The following RIDA variants were observed in gnomAD, a reference collection of about 807,000 sequenced individuals.
The protein encoded by RIDA is reactive intermediate imine deaminase A.
A neutral mutation model predicts 17.8 loss-of-function variants in RIDA; 17 were observed. That is an observed-to-expected ratio of 0.96 (90% CI 0.65 to 1.43). RIDA has a LOEUF of 1.43. Among genes scored for constraint, RIDA ranks in the 40% most tolerant of loss-of-function variants. The pLI is 0.00. For synonymous variants in RIDA, 48 were observed against 55.7 expected, an observed-to-expected ratio of 0.86 and a Z score of 0.62; for missense variants, 158 against 161.7, an observed-to-expected ratio of 0.98 and a Z score of 0.12.
At chr8:98,103,299 T>C (rs993240205) in intron 5 of RIDA, among the ~76,000 whole-genome samples, 4 of 152,220 alleles carry the variant, frequency 2.6e-5, no homozygotes, top group Admixed American at 1.3e-4. Context: ...GGTTTGATAA[T>C]GATCATTCCA....
chr8:98,109,674 A>C (rs1357234375), intron 1 of RIDA, among the ~76,000 whole-genome samples: 2 of 151,994 alleles, frequency 1.3e-5, no homozygotes. Flanking sequence ...TGGCTCACTG[A>C]AGCCTTGACC....
chr8:98,114,157 A>C (rs1313193176), intron 1 of RIDA, among the ~76,000 whole-genome samples: 2 of 132,844 alleles, frequency 1.5e-5, no homozygotes, highest in Non-Finnish European at 3.2e-5. Context: ...TCCCGGCTCC[A>C]GCCTGGGTGA....
chr8:98,106,497 T>G, intron 2 of RIDA, 171 bp from the exon 3 acceptor site: 1 of 572,404 alleles, frequency 1.7e-6, no homozygotes, highest in Non-Finnish European at 3.1e-6. Context: ...AGAATGAGTC[T>G]TTCTGATATA....
chr8:98,114,134 C>A (rs1278501248), intron 1 of RIDA, among the ~76,000 whole-genome samples: 1 of 151,534 alleles, frequency 6.6e-6, no homozygotes, highest in African/African-American at 2.4e-5. Flanking sequence ...GTTGAGGCGA[C>A]AATAAGCTGT....
chr8:98,104,619 T>C, intron 4 of RIDA, 75 bp from the exon 5 acceptor site: 1 of 851,312 alleles, frequency 1.2e-6, no homozygotes, highest in Admixed American at 2.1e-5. Flanking sequence ...ATTTTTATTT[T>C]AGTTTTCAGA....
chr8:98,104,289 G>A (rs1023330616), intron 5 of RIDA, among the ~76,000 whole-genome samples, 200 bp downstream of exon 5: 2 of 152,120 alleles, frequency 1.3e-5, no homozygotes, highest in East Asian at 1.9e-4. Context: ...GTCTTGCTAT[G>A]TTGCCCAGGC....
intron 1 of RIDA, among the ~76,000 whole-genome samples, chr8:98,116,535 G>T (rs1563766211): frequency 1.3e-5 from 2 of 152,290 alleles, no homozygotes; most frequent in Non-Finnish European, 2.9e-5. Context: ...AGATTGTCAG[G>T]GGCCGGGGGA....
At chr8:98,111,623 A>C (rs994180023) in intron 1 of RIDA, among the ~76,000 whole-genome samples, 3 of 151,832 alleles carry the variant, frequency 2.0e-5, no homozygotes, top group Non-Finnish European at 4.4e-5. Context: ...AAAAAAAAGA[A>C]GTGAAATTTG....
chr8:98,102,934 A>G (rs1401760264), intron 5 of RIDA, 30 bp from the exon 6 acceptor site: 1 of 1,565,270 alleles, frequency 6.4e-7, no homozygotes, highest in East Asian at 2.2e-5. Context: ...ATTTGTTGTA[A>G]TCATTTTGTA....
In RIDA at chr8:98,106,258, A is replaced by T; in HGVS notation, c.226+14T>A. 6.2e-7 allele frequency: 1 copy of T among 1,609,528 alleles called. No homozygotes were observed. Among genetic ancestry groups the T allele is most frequent in the South Asian group, 1.1e-5 (1 of 90,608 alleles). ...ATATCAAAAAGAAATGTGAAATAAT[A>T]TCAAATTGCTCACCGTTAGTGAAGT... is the stretch of plus-strand genomic sequence containing the variant. On this transcript the variant is annotated intron_variant, in intron 3 of 5. Transcript: ENST00000254878.
In RIDA at chr8:98,116,539, C is replaced by T. The variant is rs370558129; in HGVS notation, c.65+493G>A. 3.9e-3 allele frequency among the ~76,000 whole-genome samples: 595 copies of T among 151,324 alleles called. 6 individuals are homozygous for T. The highest frequency in any genetic ancestry group is 0.03 in the South Asian group (145 of 4,772). On this transcript the variant is annotated intron_variant, in intron 1 of 5. Transcript: ENST00000254878. ...AAGATGCAAGTAGATTGTCAGGGGC[C>T]GGGGGAGAGGAGAATGGGGAGTGAA...
At chr8:98,107,562 G>A (rs1815648727) in intron 2 of RIDA, among the ~76,000 whole-genome samples, 1 of 152,076 alleles carries the variant, frequency 6.6e-6, no homozygotes, top group Admixed American at 6.6e-5. Context: ...AGCATTATAT[G>A]ACTCAGTAAA....
At chr8:98,114,485 C>T (rs921687164) in intron 1 of RIDA, among the ~76,000 whole-genome samples, 1 of 140,728 alleles carries the variant, frequency 7.1e-6, no homozygotes, top group Admixed American at 7.6e-5. Flanking sequence ...CCACTATACC[C>T]AGCTAATTTT....
intron 2 of RIDA, among the ~76,000 whole-genome samples, chr8:98,108,374 A>G (rs867021004): frequency 1.3e-5 from 2 of 150,758 alleles, no homozygotes; most frequent in African/African-American, 4.9e-5. Context: ...ATCCATGTGG[A>G]AGTGGCAACA....
At chr8:98,116,453 T>C (rs1156947114) in intron 1 of RIDA, among the ~76,000 whole-genome samples, 1 of 152,164 alleles carries the variant, frequency 6.6e-6, no homozygotes, top group Non-Finnish European at 1.5e-5. Flanking sequence ...AAGTTGGTCA[T>C]AAAGGACTGC....
chr8:98,113,787 T>C (rs938256191), intron 1 of RIDA: 1 of 152,214 alleles, frequency 6.6e-6, no homozygotes, highest in Non-Finnish European at 1.5e-5. Flanking sequence ...GTTGTGTCCC[T>C]CTTGTTTGGA....
intron 2 of RIDA, 152 bp from the exon 3 acceptor site, chr8:98,106,478 TC>T: frequency 1.6e-6 from 1 of 621,512 alleles, no homozygotes; most frequent in Non-Finnish European, 2.9e-6. Flanking sequence ...TTCTTGGCTT[TC>T]CTTTAATAGA....
Position 98,108,727 on chromosome 8 carries a change from G to GTCT in RIDA, c.89_90insAGA (p.Thr30_Ile31insAsp). 1 of 1,612,408 alleles carries GTCT rather than the reference G, an allele frequency of 6.2e-7. No homozygotes were observed. Among genetic ancestry groups the GTCT allele is most frequent in the Non-Finnish European group, 8.5e-7 (1 of 1,178,610 alleles). ...TGCCTATCTGTCCTGAAATGTAAAT[G>GTCT]GTCCTGTCGACTAATACAGCTTGAC... On this transcript the variant is annotated inframe_insertion, in exon 2 of 6. Transcript: ENST00000254878.
chr8:98,102,977 C>T, intron 5 of RIDA, 73 bp from the exon 6 acceptor site: 2 of 1,005,210 alleles, frequency 2.0e-6, no homozygotes, highest in South Asian at 2.8e-5. Flanking sequence ...CTACTAAAAA[C>T]ATGCAACCAA....
Sources: allele counts gnomAD v4.1 joint callset (sites outside exome capture counted in the v4.1 genomes callset), GRCh38; gene constraint gnomAD v4.1.1; transcripts MANE v1.5; gene names NCBI Gene and HGNC (gene_info 2026-07-23, HGNC 2026-07-21).